The following BMERB1 variants were observed in gnomAD, a reference collection of about 807,000 sequenced individuals.
BMERB1 encodes bMERB domain containing 1, also known as bMERB domain-containing protein 1.
BMERB1 carries 12 observed loss-of-function variants against 23.6 expected under a neutral mutation model. The ratio of observed to expected loss-of-function variants is 0.51; its 90% CI spans 0.33 to 0.82. The LOEUF (loss-of-function observed/expected upper bound fraction) is 0.82, where lower values mean the gene tolerates loss of function less well. Ranked by LOEUF, BMERB1 falls within the 40% of genes least tolerant of loss-of-function variation. The pLI is 0.03. For synonymous variants in BMERB1, 122 were observed against 96.6 expected, an observed-to-expected ratio of 1.26 and a Z score of -1.54; for missense variants, 247 against 255.4, an observed-to-expected ratio of 0.97 and a Z score of 0.22.
intron 2 of BMERB1, among the ~76,000 whole-genome samples, chr16:15,542,631 A>ATT (rs927255507): frequency 0.035 from 3,338 of 96,752 alleles, 149 homozygotes; most frequent in African/African-American, 0.13. Context: ...CCTCCTAGGG[A>ATT]TTTTTTTTTT....
At chr16:15,493,697 C>G (rs755672330) in intron 1 of BMERB1, among the ~76,000 whole-genome samples, 2 of 151,880 alleles carry the variant, frequency 1.3e-5, no homozygotes, top group African/African-American at 2.4e-5. Flanking sequence ...CTGCGTCCCC[C>G]CTCCGCAGAC....
intron 1 of BMERB1, among the ~76,000 whole-genome samples, chr16:15,475,170 A>C (rs1255951317): frequency 6.6e-6 from 1 of 152,012 alleles, no homozygotes; most frequent in Non-Finnish European, 1.5e-5. Context: ...ACTGCGCTCT[A>C]CTGCTGCTGG....
At chr16:15,441,330 C>A (rs1048493426) in intron 1 of BMERB1, among the ~76,000 whole-genome samples, 6 of 151,416 alleles carry the variant, frequency 4.0e-5, no homozygotes, top group Admixed American at 2.0e-4. Flanking sequence ...TGGATTCTCC[C>A]GCCTCAGCCT....
At chr16:15,529,115 C>G (rs1417735234) in intron 2 of BMERB1, among the ~76,000 whole-genome samples, 1 of 152,152 alleles carries the variant, frequency 6.6e-6, no homozygotes, top group Non-Finnish European at 1.5e-5. Context: ...AGCTCTGCCT[C>G]CCAGGTTCAC....
At chr16:15,500,546 C>G (rs1411189277) in intron 1 of BMERB1, among the ~76,000 whole-genome samples, 1 of 152,080 alleles carries the variant, frequency 6.6e-6, no homozygotes. Flanking sequence ...GGGAAGGTAT[C>G]AGGGAGAAAA....
chr16:15,500,652 C>T (rs1028692675), intron 1 of BMERB1, among the ~76,000 whole-genome samples: 2 of 152,132 alleles, frequency 1.3e-5, no homozygotes, highest in African/African-American at 2.4e-5. Context: ...GAGATCTGTT[C>T]TTCCTTTATT....
chr16:15,546,914 T>G (rs2029935173), intron 2 of BMERB1, among the ~76,000 whole-genome samples: 1 of 152,186 alleles, frequency 6.6e-6, no homozygotes, highest in African/African-American at 2.4e-5. Context: ...ATTGCCTCGT[T>G]ATCTCGTCAT....
intron 1 of BMERB1, among the ~76,000 whole-genome samples, chr16:15,503,895 G>A (rs1403194195): frequency 6.6e-6 from 1 of 152,176 alleles, no homozygotes; most frequent in African/African-American, 2.4e-5. Flanking sequence ...TAGAAGCTCA[G>A]GTCCACAAGG....
At chr16:15,556,111 G>T (rs1415478369) in intron 2 of BMERB1, among the ~76,000 whole-genome samples, 1 of 151,896 alleles carries the variant, frequency 6.6e-6, no homozygotes, top group Admixed American at 6.6e-5. Flanking sequence ...CCTGGGAGGT[G>T]AGGTTGCAGT....
At chr16:15,523,849 T>G (rs2051880186) in intron 2 of BMERB1, among the ~76,000 whole-genome samples, 1 of 152,174 alleles carries the variant, frequency 6.6e-6, no homozygotes, top group South Asian at 2.1e-4. Context: ...TATGGTTGTC[T>G]CCAGAGAATT....
At chr16:15,456,916 C>T (rs1242189097) in intron 1 of BMERB1, among the ~76,000 whole-genome samples, 1 of 152,120 alleles carries the variant, frequency 6.6e-6, no homozygotes, top group African/African-American at 2.4e-5. Flanking sequence ...ACCTCCACCT[C>T]CTGGGTTCAA....
chr16:15,570,484 G>T (rs2030696441), intron 3 of BMERB1, among the ~76,000 whole-genome samples: 1 of 152,038 alleles, frequency 6.6e-6, no homozygotes, highest in South Asian at 2.1e-4. Flanking sequence ...GTGTCTTGTG[G>T]GATGTTGAGT....
At chr16:15,497,357 T>C (rs1276536731) in intron 1 of BMERB1, among the ~76,000 whole-genome samples, 1 of 152,200 alleles carries the variant, frequency 6.6e-6, no homozygotes, top group African/African-American at 2.4e-5. Flanking sequence ...CATCTCATTG[T>C]CTGGATGCTG....
chr16:15,533,212 A>G (rs1249823612), intron 2 of BMERB1: 1 of 292,448 alleles, frequency 3.4e-6, no homozygotes, highest in Non-Finnish European at 6.8e-6. Flanking sequence ...TACAGGCATA[A>G]GTGTAGACAC....
At chr16:15,568,591 T>C (rs969111130) in intron 3 of BMERB1, among the ~76,000 whole-genome samples, 6 of 152,076 alleles carry the variant, frequency 3.9e-5, no homozygotes, top group African/African-American at 1.4e-4. Context: ...TGAGCTGAGA[T>C]TGTGCCATTG....
intron 2 of BMERB1, among the ~76,000 whole-genome samples, chr16:15,539,005 T>C (rs1354953574): frequency 6.6e-6 from 1 of 152,002 alleles, no homozygotes; most frequent in Admixed American, 6.6e-5. Context: ...AGGGATGGGG[T>C]GGGGGCATGG....
In BMERB1 at chr16:15,444,128, T is replaced by TTTTTTG. The variant is rs1555505068; in HGVS notation, c.106+9374_106+9375insGTTTTT. 2.2e-3 allele frequency among the ~76,000 whole-genome samples: 163 copies of TTTTTTG among 75,718 alleles called. 7 individuals carry two copies. Among genetic ancestry groups the TTTTTTG allele is most frequent in the African/African-American group, 6.9e-3 (150 of 21,844 alleles). The allele number at this position is 75,718 out of a possible 152,430, so 49.7% of individuals were successfully genotyped here. A position where few individuals can be genotyped will look rare whatever the true frequency, so the allele number is the denominator to read the frequency against. Reference sequence around the variant, plus strand: ...AGGGTCCAGGCACCAGCTTTGTTTTTTTTTTTTTTTTTTTTTTTTTTTGGC... The same window carrying TTTTTTG: ...AGGGTCCAGGCACCAGCTTTGTTTTTTTTTTGTTTTTTTTTTTTTTTTTTTTTTGGC... On this transcript the variant is annotated intron_variant, in intron 1 of 5. Coordinates refer to ENST00000300006, the MANE Select transcript of BMERB1 (RefSeq NM_033201.3).
chr16:15,513,182 G>A (rs568028527), intron 1 of BMERB1, among the ~76,000 whole-genome samples: 3 of 152,256 alleles, frequency 2.0e-5, no homozygotes, highest in Admixed American at 6.5e-5. Context: ...TAGCCCGAAG[G>A]AACCCTGTAG....
At chr16:15,539,296 GA>G (rs1194167623) in intron 2 of BMERB1, among the ~76,000 whole-genome samples, 9 of 152,108 alleles carry the variant, frequency 5.9e-5, no homozygotes, top group Admixed American at 5.9e-4. Context: ...TGCAGCCGCT[GA>G]TCTGACAGGA....
Sources: allele counts gnomAD v4.1 joint callset (sites outside exome capture counted in the v4.1 genomes callset), GRCh38; gene constraint gnomAD v4.1.1; transcripts MANE v1.5; gene names NCBI Gene and HGNC (gene_info 2026-07-23, HGNC 2026-07-21).